CACNA1C: variants seen among roughly 807,000 people sequenced by gnomAD.
CACNA1C encodes calcium voltage-gated channel subunit alpha1 C, also known as voltage-dependent L-type calcium channel subunit alpha-1C.
Under a neutral mutation model 229.0 loss-of-function variants are expected in CACNA1C, and 30 were observed. The observed-to-expected ratio is 0.13, with a 90% CI of 0.10 to 0.18. CACNA1C has a LOEUF of 0.18. CACNA1C is among the 10% of genes least tolerant of loss of function. The probability of loss-of-function intolerance (pLI) is 1.00; values close to 1 mark genes in which losing one functional copy is unlikely to be tolerated. For missense variants in CACNA1C, 1,658 were observed against 2,845.0 expected (o/e 0.58, Z 9.49); for synonymous variants, 1,114 against 1,132.5 (o/e 0.98, Z 0.33).
chr12:2,419,708 T>C (rs547514049), intron 3 of CACNA1C, among the ~76,000 whole-genome samples: 1 of 152,186 alleles, frequency 6.6e-6, no homozygotes, highest in Non-Finnish European at 1.5e-5. Context: ...GCACAAACCC[T>C]TCCTTCACAC....
chr12:2,269,277 T>C (rs2083751069), intron 3 of CACNA1C, among the ~76,000 whole-genome samples: 1 of 152,206 alleles, frequency 6.6e-6, no homozygotes, highest in Non-Finnish European at 1.5e-5. Context: ...ATAGACCGGC[T>C]GAAAGAAATC....
intron 1 of CACNA1C, among the ~76,000 whole-genome samples, chr12:2,005,518 G>A (rs1163284231): frequency 6.6e-6 from 1 of 152,132 alleles, no homozygotes; most frequent in Non-Finnish European, 1.5e-5. Context: ...GACAATTACT[G>A]CTGCCAATGA....
At position 2,649,080 on chromosome 12, in the gene CACNA1C, T is replaced by C. The variant is rs1169568420; in HGVS notation, c.3945+573T>C. 6.6e-6 allele frequency among the ~76,000 whole-genome samples: 1 copy of C among 152,184 alleles called. No individual in the cohort carries two copies. The highest frequency in any genetic ancestry group is 1.5e-5 in the Non-Finnish European group (1 of 68,030). ...ATTTCCAGTCACTCCAACCTTGCTA[T>C]CCCTTGCATTTTTCTAAATTCCTGA... On this transcript the variant is annotated intron_variant, in intron 31 of 46. Coordinates refer to ENST00000399655, the MANE Select transcript of CACNA1C (RefSeq NM_000719.7). This position sits in a 1 kb window ranked among gnomAD's most constrained non-coding sequence, Gnocchi z 4.4.
chr12:2,117,115 A>T (rs1263355881), intron 2 of CACNA1C, among the ~76,000 whole-genome samples: 1 of 152,130 alleles, frequency 6.6e-6, no homozygotes, highest in Non-Finnish European at 1.5e-5. Context: ...TGCTAATAAT[A>T]CAAAAATTAG....
In CACNA1C at chr12:2,679,386, C is replaced by T. The variant is rs373985312; in HGVS notation, c.5092-58C>T. The T allele has an allele frequency of 2.4e-5, 31 of 1,297,504 alleles. No individual in the cohort carries two copies. The African/African-American group carries it at 2.7e-4, about 11-fold the overall frequency. The allele number at this position is 1,297,504 out of a possible 1,614,324, so 80.4% of individuals were successfully genotyped here. On this transcript the variant is annotated intron_variant, in intron 41 of 46. Coordinates refer to ENST00000399655, the MANE Select transcript of CACNA1C (RefSeq NM_000719.7). The surrounding 1 kb of genome is among the most constrained non-coding windows in gnomAD (Gnocchi z 5.5). ...CCCTGACCTGGCTGTGGAGGCTGCT[C>T]TCTGGGAGGAGTGGGTGCTAAGGGG...
chr12:2,593,409 G>A, intron 19 of CACNA1C, 64 bp downstream of exon 19: 1 of 1,564,604 alleles, frequency 6.4e-7, no homozygotes, highest in Non-Finnish European at 8.7e-7. Flanking sequence ...GCAGTTGCCT[G>A]TATTTTACCT....
In CACNA1C at chr12:2,566,699, C is replaced by G. The variant is rs191538690; in HGVS notation, c.1669+117C>G. On this transcript the variant is annotated intron_variant, in intron 12 of 46. Coordinates refer to ENST00000399655, the MANE Select transcript of CACNA1C (RefSeq NM_000719.7). This position sits in a 1 kb window ranked among gnomAD's most constrained non-coding sequence, Gnocchi z 4.0. ...GGGAAAGCAGCCAATGGTCGGGGCTCTTGGCAGGTGCTGTGCTGGAGACAC... is the reference window on the plus strand; with the variant it reads ...GGGAAAGCAGCCAATGGTCGGGGCTGTTGGCAGGTGCTGTGCTGGAGACAC... 3.1e-4 allele frequency: 259 copies of G among 847,336 alleles called. 1 individual carries two copies. In the African/African-American group the frequency reaches 4.2e-3, roughly 14 times the overall value. 52.5% of individuals were successfully genotyped at this position (847,336 alleles called of 1,614,324 possible).
chr12:2,277,362 G>GACAC lies in CACNA1C; in HGVS notation c.477+156995_477+156998dup, dbSNP rs59258094. The stretch of plus-strand genomic sequence containing the variant: ...AGACAGACAGACAGACAGACAGACA[G>GACAC]ACACACACACACACACACACACACA... On this transcript the variant is annotated intron_variant, in intron 3 of 46. Coordinates refer to ENST00000399655, the MANE Select transcript of CACNA1C (RefSeq NM_000719.7). Among the ~76,000 whole-genome samples, 60 of 72,218 alleles carry GACAC rather than the reference G, an allele frequency of 8.3e-4. 1 individual carries two copies. Among genetic ancestry groups the GACAC allele is most frequent in the East Asian group, 7.7e-3 (21 of 2,716 alleles). 47.4% of individuals were successfully genotyped at this position (72,218 alleles called of 152,430 possible). A position where few individuals can be genotyped will look rare whatever the true frequency, so the allele number is the denominator to read the frequency against.
chr12:2,691,320 C>A lies in CACNA1C; in HGVS notation c.*121C>A, dbSNP rs933317708. 4.7e-6 allele frequency: 5 copies of A among 1,071,230 alleles called. No individual in the cohort carries two copies. Among genetic ancestry groups the A allele is most frequent in the Non-Finnish European group, 6.2e-6 (5 of 803,232 alleles). The allele number at this position is 1,071,230 out of a possible 1,614,324, so 66.4% of individuals were successfully genotyped here. On this transcript the variant is annotated 3_prime_UTR_variant, in exon 47 of 47. Coordinates refer to ENST00000399655, the MANE Select transcript of CACNA1C (RefSeq NM_000719.7). ...ACCGGAACAGCGTCTTCATTCATTTCTGTTGGGACCAGACGCGGAGCCTGG... is the reference window on the plus strand; with the variant it reads ...ACCGGAACAGCGTCTTCATTCATTTATGTTGGGACCAGACGCGGAGCCTGG...
At chr12:2,278,936 GT>G (rs1362454466) in intron 3 of CACNA1C, among the ~76,000 whole-genome samples, 1 of 152,196 alleles carries the variant, frequency 6.6e-6, no homozygotes, top group African/African-American at 2.4e-5. Context: ...TCATTATAAT[GT>G]GTATGCAGTG....
At chr12:2,662,327 T>C (rs2095805353) in intron 34 of CACNA1C, among the ~76,000 whole-genome samples, 1 of 151,856 alleles carries the variant, frequency 6.6e-6, no homozygotes, top group African/African-American at 2.4e-5. Flanking sequence ...AAAAGTTGAT[T>C]GCCTGTGTAT....
chr12:2,445,815 G>A (rs1485990731), intron 3 of CACNA1C, among the ~76,000 whole-genome samples: 1 of 152,138 alleles, frequency 6.6e-6, no homozygotes, highest in Admixed American at 6.5e-5. Context: ...AGTTGTCTGG[G>A]AATGCCAGTT....
chr12:2,122,363 C>T (rs1410906325), intron 3 of CACNA1C, among the ~76,000 whole-genome samples: 2 of 152,196 alleles, frequency 1.3e-5, no homozygotes, highest in Non-Finnish European at 2.9e-5. Context: ...TCATTCTCTG[C>T]ATTCCACAAT....
chr12:2,221,773 C>G (rs937716578), intron 3 of CACNA1C: 2 of 152,190 alleles, frequency 1.3e-5, no homozygotes, highest in African/African-American at 4.8e-5. Flanking sequence ...GGAGCTAAAC[C>G]TGGGATAATT....
intron 6 of CACNA1C, among the ~76,000 whole-genome samples, chr12:2,487,327 C>T (rs1296773732): frequency 2.0e-5 from 3 of 151,258 alleles, no homozygotes; most frequent in Non-Finnish European, 4.4e-5. Context: ...CACTCAGTCC[C>T]AGCACTCAGT....
intron 3 of CACNA1C, among the ~76,000 whole-genome samples, chr12:2,208,939 C>G (rs1424040101): frequency 5.3e-5 from 8 of 152,200 alleles, no homozygotes; most frequent in Non-Finnish European, 1.2e-4. Context: ...TCAAAGTGCT[C>G]CAGCACTGTG....
intron 1 of CACNA1C, among the ~76,000 whole-genome samples, chr12:2,071,843 A>G (rs1255564772): frequency 6.6e-6 from 1 of 151,990 alleles, no homozygotes; most frequent in Non-Finnish European, 1.5e-5. Flanking sequence ...TTTTCCCTTT[A>G]TAATTTCCAT....
At chr12:2,214,309 G>C (rs927783200) in intron 3 of CACNA1C, among the ~76,000 whole-genome samples, 1 of 152,100 alleles carries the variant, frequency 6.6e-6, no homozygotes, top group East Asian at 1.9e-4. Flanking sequence ...TAACTTGCTC[G>C]ACCCCTCTGT....
At chr12:2,231,450 A>G (rs2065097917) in intron 3 of CACNA1C, among the ~76,000 whole-genome samples, 1 of 152,218 alleles carries the variant, frequency 6.6e-6, no homozygotes, top group East Asian at 1.9e-4. Context: ...ATGCTTCCGC[A>G]CAGTTTATCT....
Sources: allele counts gnomAD v4.1 joint callset (sites outside exome capture counted in the v4.1 genomes callset), GRCh38; gene constraint gnomAD v4.1.1; non-coding constraint Gnocchi (gnomAD v3.1); transcripts MANE v1.5; gene names NCBI Gene and HGNC (gene_info 2026-07-23, HGNC 2026-07-21).